The following PARP12 variants were observed in gnomAD, a reference collection of about 807,000 sequenced individuals.
The protein encoded by PARP12 is protein mono-ADP-ribosyltransferase PARP12.
In PARP12, 59 loss-of-function variants were observed where a neutral mutation model predicts 72.4. The ratio of observed to expected loss-of-function variants is 0.81; its 90% CI spans 0.66 to 1.01. The LOEUF (loss-of-function observed/expected upper bound fraction) is 1.01. Among genes scored for constraint, PARP12 ranks in the 50% least tolerant of loss-of-function variants. The pLI is 0.00. For missense variants in PARP12, 851 were observed against 914.0 expected (o/e 0.93, Z 0.89); for synonymous variants, 403 against 371.4 (o/e 1.09, Z -0.98).
chr7:140,056,872 G>A lies in PARP12; in HGVS notation c.744C>T (p.Val248=). The change falls in exon 3 of 12, where the codon GTC becomes GTT. Residue 248 remains valine (V), a synonymous_variant. Coordinates refer to ENST00000263549, the MANE Select transcript of PARP12 (RefSeq NM_022750.4). The stretch of plus-strand genomic sequence containing the variant: ...CAGCCTTACCAGAAGTCCCCTGTGG[G>A]ACAAAAAGAGGAGGCACTCTGCTGG... ...SAPSRVPPLF[V]PQGTSERKDS... 6.2e-7 allele frequency: 1 copy of A among 1,608,210 alleles called. No homozygotes were observed. The highest frequency in any genetic ancestry group is 2.2e-5 in the East Asian group (1 of 44,832).
In PARP12 at chr7:140,027,296, G is replaced by A; in HGVS notation, c.1608C>T (p.Ala536=). The A allele has an allele frequency of 6.2e-7, 1 of 1,613,840 alleles. No homozygotes were observed. The highest frequency in any genetic ancestry group is 8.5e-7 in the Non-Finnish European group (1 of 1,179,886). ...VQKIERVQNL[A]LWEVYQWQKG... ...CGCACCACTGGTAGACTTCCCAGAGGGCCAGGTTCTGTACTCGCTCAATCT... is the reference window on the plus strand; with the variant it reads ...CGCACCACTGGTAGACTTCCCAGAGAGCCAGGTTCTGTACTCGCTCAATCT... The change falls in exon 10 of 12, where the codon GCC becomes GCT. Residue 536 remains alanine (A), a synonymous_variant. Transcript: ENST00000263549.
intron 3 of PARP12, 128 bp from the exon 4 acceptor site, chr7:140,054,891 G>T: frequency 1.4e-6 from 1 of 737,338 alleles, no homozygotes; most frequent in South Asian, 1.7e-5. Context: ...TCGTGTTTGG[G>T]GTGAAAGTGC....
intron 5 of PARP12, among the ~76,000 whole-genome samples, chr7:140,045,710 T>A (rs1302709166): frequency 6.6e-6 from 1 of 152,028 alleles, no homozygotes; most frequent in Non-Finnish European, 1.5e-5. Flanking sequence ...AGGAAAAAAA[T>A]CTACAAGAAG....
intron 3 of PARP12, among the ~76,000 whole-genome samples, chr7:140,055,259 G>A (rs930702448): frequency 2.0e-5 from 3 of 152,124 alleles, no homozygotes; most frequent in South Asian, 4.1e-4. Flanking sequence ...AAGCTATATA[G>A]CAAACATTCA....
intron 4 of PARP12, among the ~76,000 whole-genome samples, chr7:140,052,146 T>C (rs1331656754): frequency 6.6e-6 from 1 of 152,210 alleles, no homozygotes; most frequent in Non-Finnish European, 1.5e-5. Context: ...TTGTTTAAAA[T>C]TTCCATTCAA....
chr7:140,042,346 G>A (rs1401915009), intron 5 of PARP12, among the ~76,000 whole-genome samples: 3 of 152,228 alleles, frequency 2.0e-5, no homozygotes, highest in Non-Finnish European at 4.4e-5. Flanking sequence ...CTAGTCAGCG[G>A]GCGAGCTGGG....
rs115646173 is a variant in PARP12 at position 140,024,201 on chromosome 7, A to T, written c.*359T>A. On this transcript the variant is annotated 3_prime_UTR_variant, in exon 12 of 12. Coordinates refer to ENST00000263549, the MANE Select transcript of PARP12 (RefSeq NM_022750.4). ...GATGCCATGAGACTCTGAGAAACCG[A>T]ATCACTGCAGAGACAAACTCATAAA... The T allele has an allele frequency of 1.2e-3, 375 of 322,592 alleles. 2 individuals carry two copies. The highest frequency in any genetic ancestry group is 7.0e-3 in the African/African-American group (326 of 46,364). 20.0% of individuals were successfully genotyped at this position (322,592 alleles called of 1,614,324 possible).
At position 140,028,611 on chromosome 7, in the gene PARP12, A is replaced by C; in HGVS notation, c.1497+2T>G. On this transcript the variant is annotated splice_donor_variant, in intron 9 of 11. Transcript: ENST00000263549. LOFTEE classifies it high-confidence loss of function. ...CCAGCCCCAGGCGCATGCGTCCCCT[A>C]CCTGAAAGCCTGGGTCTGGCAGGGC... The C allele has an allele frequency of 6.3e-7, 1 of 1,587,326 alleles. No individual in the cohort carries two copies. The highest frequency in any genetic ancestry group is 8.6e-7 in the Non-Finnish European group (1 of 1,165,806).
chr7:140,035,638 A>G (rs893380825), intron 7 of PARP12, among the ~76,000 whole-genome samples: 1 of 152,200 alleles, frequency 6.6e-6, no homozygotes, highest in Non-Finnish European at 1.5e-5. Context: ...AAAGGGCAGA[A>G]CTGAATCATC....
intron 1 of PARP12, among the ~76,000 whole-genome samples, chr7:140,060,981 T>TGC (rs138140131): frequency 0.013 from 1,985 of 152,286 alleles, 26 homozygotes; most frequent in Middle Eastern, 0.044. Flanking sequence ...AACCCTCTCT[T>TGC]GCTCTCTCAG....
chr7:140,043,685 C>G (rs1484330179), intron 5 of PARP12, among the ~76,000 whole-genome samples: 1 of 152,056 alleles, frequency 6.6e-6, no homozygotes. Context: ...CATGCACCAC[C>G]ACGCCCAGCT....
At chr7:140,058,599 G>C (rs1289168675) in intron 1 of PARP12, among the ~76,000 whole-genome samples, 1 of 152,008 alleles carries the variant, frequency 6.6e-6, no homozygotes, top group Non-Finnish European at 1.5e-5. Context: ...CAAGGAGAGG[G>C]GCCTCAGAAG....
In PARP12 at chr7:140,026,352, G is replaced by C; in HGVS notation, c.1629-4C>G. ...CTTCTGCATCTGTCCTTTTTGCCTAGAATCACAGAAGAATGTGTGCTGGGG... is the reference window on the plus strand; with the variant it reads ...CTTCTGCATCTGTCCTTTTTGCCTACAATCACAGAAGAATGTGTGCTGGGG... On this transcript the variant is annotated splice_polypyrimidine_tract_variant and splice_region_variant and intron_variant, in intron 10 of 11. Transcript: ENST00000263549. 1 of 1,607,296 alleles carries C rather than the reference G, an allele frequency of 6.2e-7. No homozygotes were observed. The highest frequency in any genetic ancestry group is 8.5e-7 in the Non-Finnish European group (1 of 1,178,566).
chr7:140,033,291 TA>T, intron 8 of PARP12: 1 of 985,438 alleles, frequency 1.0e-6, no homozygotes, highest in Non-Finnish European at 1.2e-6. Context: ...GGACTGATAA[TA>T]CCTTTCTCCT....
rs1369935907 is a variant in PARP12, at chr7:140,062,604, T to C, written c.244A>G (p.Lys82Glu). 6.6e-7 allele frequency: 1 copy of C among 1,518,628 alleles called. No individual in the cohort carries two copies. Among genetic ancestry groups the C allele is most frequent in the Non-Finnish European group, 8.8e-7 (1 of 1,137,572 alleles). 94.1% of individuals were successfully genotyped at this position (1,518,628 alleles called of 1,614,324 possible). The part of the protein sequence containing the change: ...LRLCRAHQGS[K>E]PGCVGLCAQL... Reference sequence around the variant, plus strand: ...GCGCAGAGCCCCACGCAGCCCGGCTTGGAGCCCTGGTGCGCGCGACACAGG... The same window carrying C: ...GCGCAGAGCCCCACGCAGCCCGGCTCGGAGCCCTGGTGCGCGCGACACAGG... Residue 82 changes from lysine to glutamate, a missense_variant, in exon 1 of 12, where the codon AAG becomes GAG. Around this residue, in one of 3 missense-constraint regions of PARP12, gnomAD observed 492 missense variants for 489.3 expected, o/e 1.01. Transcript: ENST00000263549.
At chr7:140,029,907 G>C (rs1815875516) in intron 8 of PARP12, among the ~76,000 whole-genome samples, 1 of 152,168 alleles carries the variant, frequency 6.6e-6, no homozygotes, top group Admixed American at 6.5e-5. Context: ...GAGACATGGA[G>C]AACAGTGAGA....
chr7:140,025,387 C>T (rs150072654), intron 11 of PARP12: 27 of 306,196 alleles, frequency 8.8e-5, no homozygotes, highest in African/African-American at 5.8e-4. Flanking sequence ...AAGTCTACCA[C>T]TGGCTGCTGT....
chr7:140,049,623 G>C (rs1271911353), intron 4 of PARP12, among the ~76,000 whole-genome samples: 4 of 152,162 alleles, frequency 2.6e-5, no homozygotes, highest in Non-Finnish European at 4.4e-5. Context: ...GCACTCCTTA[G>C]GGCCCTCCAG....
At chr7:140,033,156 C>A (rs1231759894) in intron 8 of PARP12, 1 of 981,192 alleles carries the variant, frequency 1.0e-6, no homozygotes, top group African/African-American at 1.8e-5. Context: ...GCCTCTTGAA[C>A]TGTTGGGATT....
Sources: gnomAD v4.1 joint callset for allele counts (sites outside exome capture counted in the v4.1 genomes callset) on GRCh38, gnomAD v4.1.1 for gene constraint, gnomAD v4.1.1 regional missense constraint, MANE v1.5 for transcripts, NCBI Gene and HGNC (gene_info 2026-07-23, HGNC 2026-07-21) for gene names.